Variants in HOXB5 observed in about 807,000 individuals in gnomAD.
HOXB5 encodes homeobox B5.
Under a neutral mutation model 19.6 loss-of-function variants are expected in HOXB5, and 10 were observed. That is an observed-to-expected ratio of 0.51 (90% CI 0.32 to 0.87). HOXB5 has a LOEUF of 0.87. HOXB5 is among the 40% of genes least tolerant of loss of function. The pLI, the probability that HOXB5 is intolerant of heterozygous loss-of-function variation, is 0.04. For synonymous variants in HOXB5, 167 were observed against 156.9 expected (o/e 1.06, Z -0.48); for missense variants, 353 against 369.6 (o/e 0.96, Z 0.37).
chr17:48,593,498 G>A lies in HOXB5; in HGVS notation c.185C>T (p.Ser62Phe). The change falls in exon 1 of 2, where the codon TCC becomes TTC. Residue 62 changes from serine to phenylalanine, a missense_variant. Physicochemically the swap from Ser to Phe is radical, Grantham distance 155. Coordinates refer to ENST00000239151, the MANE Select transcript of HOXB5 (RefSeq NM_002147.4). ...MDLSVNRSSA[S>F]SSHFGAVGES... Reference sequence around the variant, plus strand: ...GCCCACCGCCCCAAAGTGGCTGGAGGAGGCCGAGGAGCGGTTGACGCTGAG... The same window carrying A: ...GCCCACCGCCCCAAAGTGGCTGGAGAAGGCCGAGGAGCGGTTGACGCTGAG... 1 of 1,613,196 alleles carries A rather than the reference G, an allele frequency of 6.2e-7. No homozygotes were observed. The highest frequency in any genetic ancestry group is 2.2e-5 in the East Asian group (1 of 44,872).
At chr17:48,592,481 A>C (rs1415088032) in intron 1 of HOXB5, 25 bp from the exon 2 acceptor site, 2 of 1,301,372 alleles carry the variant, frequency 1.5e-6, no homozygotes, top group South Asian at 2.3e-5. Flanking sequence ...GGAAAGCCGC[A>C]AGGCAACATT....
Position 48,593,396 on chromosome 17 carries a change from G to C in HOXB5, c.287C>G (p.Ser96Trp). ...GTTGGTGCAGGGCAGGGACTCGGGC[G>C]AGGACAGGGAGCAGCTCGAAGCCGC... ...RQAASSCSLS[S>W]PESLPCTNGD... The change falls in exon 1 of 2, where the codon TCG (serine) becomes TGG (tryptophan). Residue 96 changes from serine to tryptophan, a missense_variant. Physicochemically the swap from Ser to Trp is radical, Grantham distance 177. Transcript: ENST00000239151. 1 of 1,603,520 alleles carries C rather than the reference G, an allele frequency of 6.2e-7. No homozygotes were observed. The highest frequency in any genetic ancestry group is 8.5e-7 in the Non-Finnish European group (1 of 1,173,344).
In HOXB5 at chr17:48,593,426, C is replaced by T; in HGVS notation, c.257G>A (p.Arg86Lys). 1 of 1,609,844 alleles carries T rather than the reference C, an allele frequency of 6.2e-7. No homozygotes were observed. ...CAGGGAGCAGCTCGAAGCCGCTTGC[C>T]TGAAGCGGGGCTCCTGGGCGGGCGC... ...FPAPAQEPRF[R>K]QAASSCSLSS... is the part of the protein sequence containing the mutation. Residue 86 changes from arginine to lysine, a missense_variant, in exon 1 of 2, where the codon AGG becomes AAG. Physicochemically the swap from Arg to Lys is conservative, Grantham distance 26. Transcript: ENST00000239151.
chr17:48,593,030 A>C (rs2144936524), intron 1 of HOXB5, 91 bp downstream of exon 1: 1 of 966,082 alleles, frequency 1.0e-6, no homozygotes. Flanking sequence ...ATCTATATTT[A>C]GGGTAAAGCC....
chr17:48,592,562 G>C, intron 1 of HOXB5, 106 bp from the exon 2 acceptor site: 1 of 1,131,938 alleles, frequency 8.8e-7, no homozygotes, highest in East Asian at 2.6e-5. Context: ...CCGGCACCCA[G>C]CTCACCACAG....
chr17:48,592,531 G>GGT, intron 1 of HOXB5, 75 bp from the exon 2 acceptor site: 9 of 1,328,738 alleles, frequency 6.8e-6, no homozygotes, highest in South Asian at 5.6e-5. Context: ...GGAGGGGGCG[G>GGT]GGGAGCAGGA....
At chr17:48,592,847 A>G (rs2070184808) in intron 1 of HOXB5, among the ~76,000 whole-genome samples, 1 of 152,162 alleles carries the variant, frequency 6.6e-6, no homozygotes, top group Non-Finnish European at 1.5e-5. Flanking sequence ...TCCCCACATT[A>G]TATGAACCCC....
At position 48,593,493 on chromosome 17, in the gene HOXB5, TGGA is replaced by T; in HGVS notation, c.187_189del (p.Ser64del). ...CTCTCGCCCACCGCCCCAAAGTGGC[TGGA>T]GGAGGCCGAGGAGCGGTTGACGCTG... On this transcript the variant is annotated inframe_deletion, in exon 1 of 2. Transcript: ENST00000239151. 1 of 1,613,154 alleles carries T rather than the reference TGGA, an allele frequency of 6.2e-7. No homozygotes were observed. The highest frequency in any genetic ancestry group is 2.2e-5 in the East Asian group (1 of 44,872).
intron 1 of HOXB5, among the ~76,000 whole-genome samples, chr17:48,592,836 T>C (rs77569853): frequency 1.3e-5 from 2 of 152,234 alleles, no homozygotes; most frequent in East Asian, 1.9e-4. Flanking sequence ...AGCAGGACCC[T>C]TCCCCACATT....
In HOXB5 at chr17:48,591,685, A is replaced by AG. The variant is rs2070155029; in HGVS notation, c.*523dup. ...CTAGGAGACTTGGGCCTAGGGAGTG[A>AG]GGAGGGAGGAGGAGGAGAATGAAAA... On this transcript the variant is annotated 3_prime_UTR_variant, in exon 2 of 2. Transcript: ENST00000239151. 6.5e-6 allele frequency: 1 copy of AG among 152,942 alleles called. No individual in the cohort carries two copies. The highest frequency in any genetic ancestry group is 2.4e-5 in the African/African-American group (1 of 41,274). 9.5% of individuals were successfully genotyped at this position (152,942 alleles called of 1,614,324 possible).
intron 1 of HOXB5, 57 bp downstream of exon 1, chr17:48,593,064 C>CCCCCCCCAACA: frequency 1.4e-6 from 1 of 725,180 alleles, no homozygotes; most frequent in Non-Finnish European, 2.2e-6. Context: ...CCCCCCGATC[C>CCCCCCCCAACA]CACCCCAAAA....
chr17:48,593,552 G>A lies in HOXB5; in HGVS notation c.131C>T (p.Ser44Phe), dbSNP rs769389028. ...CATCCCATTGTAATTGTAGCCGTAA[G>A]AGCCGGTGTGCATGGCAGCGGGATC... is the stretch of plus-strand genomic sequence containing the variant. ...YRDPAAMHTG[S>F]YGYNYNGMDL... The change falls in exon 1 of 2, where the codon TCT becomes TTT. Residue 44 changes from serine (S) to phenylalanine (F), a missense_variant. Coordinates refer to ENST00000239151, the MANE Select transcript of HOXB5 (RefSeq NM_002147.4). 1.1e-5 allele frequency: 18 copies of A among 1,613,264 alleles called. No individual in the cohort carries two copies. Among genetic ancestry groups the A allele is most frequent in the Admixed American group, 6.7e-5 (4 of 60,028 alleles).
At position 48,592,431 on chromosome 17, in the gene HOXB5, C is replaced by T. The variant is rs2070174743; in HGVS notation, c.588G>A (p.Arg196=). 6.2e-7 allele frequency: 1 copy of T among 1,610,706 alleles called. No homozygotes were observed. The highest frequency in any genetic ancestry group is 1.3e-5 in the African/African-American group (1 of 74,658). Residue 196 remains arginine (R), a synonymous_variant, in exon 2 of 2, where the codon AGG becomes AGA. Transcript: ENST00000239151. ...SHDMTGPDGK[R]ARTAYTRYQT... is the part of the protein sequence containing the mutation. ...GGTAGCGGGTATACGCGGTCCGGGC[C>T]CTTTTCCCGTCCGGCCCGGTCATAT...
At position 48,593,169 on chromosome 17, in the gene HOXB5, GC is replaced by G; in HGVS notation, c.513del (p.Gln172ArgfsTer9). On this transcript the variant is annotated frameshift_variant, in exon 1 of 2. Transcript: ENST00000239151. LOFTEE classifies it high-confidence loss of function. ...PMATSTAAPE[G>X]QTPQIFPWMR... ...ATCCAGGGGAATATTTGCGGAGTCT[GC>G]CCCTCGGGCGCGGCTGTGGAGGTGG... 1 of 1,591,158 alleles carries G rather than the reference GC, an allele frequency of 6.3e-7. No homozygotes were observed. The highest frequency in any genetic ancestry group is 8.6e-7 in the Non-Finnish European group (1 of 1,165,964).
In HOXB5 at chr17:48,593,182, G is replaced by T; in HGVS notation, c.501C>A (p.Ala167=). 1 of 1,598,494 alleles carries T rather than the reference G, an allele frequency of 6.3e-7. No individual in the cohort carries two copies. ...TTTGCGGAGTCTGCCCCTCGGGCGC[G>T]GCTGTGGAGGTGGCCATGGGCTCTG... is the stretch of plus-strand genomic sequence containing the variant. ...AQPEPMATST[A]APEGQTPQIF... is the part of the protein sequence containing the mutation. Residue 167 remains alanine (A), a synonymous_variant, in exon 1 of 2, where the codon GCC becomes GCA. Transcript: ENST00000239151.
Position 48,591,525 on chromosome 17 carries a change from T to A in HOXB5, c.*684A>T, listed in dbSNP as rs938877451. 6.5e-6 allele frequency: 1 copy of A among 152,682 alleles called. No individual in the cohort carries two copies. Among genetic ancestry groups the A allele is most frequent in the African/African-American group, 2.4e-5 (1 of 41,456 alleles). 9.5% of individuals were successfully genotyped at this position (152,682 alleles called of 1,614,324 possible). A position where few individuals can be genotyped will look rare whatever the true frequency, so the allele number is the denominator to read the frequency against. On this transcript the variant is annotated 3_prime_UTR_variant, in exon 2 of 2. Coordinates refer to ENST00000239151, the MANE Select transcript of HOXB5 (RefSeq NM_002147.4). Reference sequence around the variant, plus strand: ...ATTTTGCACTGAGGATCATTTTTGTTTCCGTATACTCCCAGACCAGGCCTT... The same window carrying A: ...ATTTTGCACTGAGGATCATTTTTGTATCCGTATACTCCCAGACCAGGCCTT...
Position 48,593,510 on chromosome 17 carries a change from C to A in HOXB5, c.173G>T (p.Arg58Leu), listed in dbSNP as rs754202918. 1.9e-6 allele frequency: 3 copies of A among 1,613,144 alleles called. No individual in the cohort carries two copies. Among genetic ancestry groups the A allele is most frequent in the Non-Finnish European group, 1.7e-6 (2 of 1,179,874 alleles). The change falls in exon 1 of 2, where the codon CGC (arginine) becomes CTC (leucine). Residue 58 changes from arginine to leucine, a missense_variant. By Grantham distance (102) the Arg-to-Leu change is moderately radical. Coordinates refer to ENST00000239151, the MANE Select transcript of HOXB5 (RefSeq NM_002147.4). ...NYNGMDLSVN[R>L]SSASSSHFGA... The stretch of plus-strand genomic sequence containing the variant: ...AAAGTGGCTGGAGGAGGCCGAGGAG[C>A]GGTTGACGCTGAGGTCCATCCCATT...
chr17:48,593,065 C>CCCCCCAA, intron 1 of HOXB5, 56 bp downstream of exon 1: 2 of 761,330 alleles, frequency 2.6e-6, no homozygotes, highest in Admixed American at 2.6e-5. Context: ...CCCCCGATCC[C>CCCCCCAA]ACCCCAAAAC....
intron 1 of HOXB5, 97 bp downstream of exon 1, chr17:48,593,024 A>G: frequency 4.4e-6 from 4 of 910,796 alleles, no homozygotes; most frequent in East Asian, 2.6e-5. Context: ...AAATGAATCT[A>G]TATTTAGGGT....
Sources: gnomAD v4.1 joint callset for allele counts (sites outside exome capture counted in the v4.1 genomes callset) on GRCh38, gnomAD v4.1.1 for gene constraint, MANE v1.5 for transcripts, NCBI Gene and HGNC (gene_info 2026-07-23, HGNC 2026-07-21) for gene names.